Variants in LDB3 observed in about 807,000 individuals in gnomAD.
LDB3 encodes the protein LIM domain binding 3, also known as LIM domain-binding protein 3.
A neutral mutation model predicts 69.0 loss-of-function variants in LDB3; 49 were observed. The observed-to-expected ratio is 0.71, with a 90% CI of 0.56 to 0.90. The LOEUF (loss-of-function observed/expected upper bound fraction) is 0.90. Ranked by LOEUF, LDB3 falls within the 40% of genes least tolerant of loss-of-function variation. The pLI, the probability that LDB3 is intolerant of heterozygous loss-of-function variation, is 0.00. For missense variants in LDB3, 928 were observed against 974.1 expected, an observed-to-expected ratio of 0.95 and a Z score of 0.63; for synonymous variants, 387 against 396.2, an observed-to-expected ratio of 0.98 and a Z score of 0.28.
rs563734579 is a variant in LDB3 at position 86,668,733 on chromosome 10, C to T, written c.42C>T (p.Gly14=). The T allele has an allele frequency of 2.5e-6, 4 of 1,613,392 alleles. No individual in the cohort carries two copies. Among genetic ancestry groups the T allele is most frequent in the Non-Finnish European group, 8.5e-7 (1 of 1,179,990 alleles). Residue 14 remains glycine, a synonymous_variant, in exon 2 of 14, where the codon GGC becomes GGT. Transcript: ENST00000361373. ...SVTLTGPGPW[G]FRLQGGKDFN... The stretch of plus-strand genomic sequence containing the variant: ...CCCTGACTGGGCCCGGGCCCTGGGG[C>T]TTCCGTCTGCAGGGGGGCAAGGACT...
rs569429234 is a variant in LDB3, at chr10:86,677,017, G to C, written c.94-2350G>C. Among the ~76,000 whole-genome samples the C allele has an allele frequency of 1.2e-3, 181 of 152,354 alleles. 1 individual carries two copies. Among genetic ancestry groups the C allele is most frequent in the Non-Finnish European group, 1.9e-3 (131 of 68,030 alleles). ...CACTAGGAGCTGGCTTGGTCCTTGG[G>C]TTATAGCCAGGAAGGTGACTGGGAT... is the stretch of plus-strand genomic sequence containing the variant. On this transcript the variant is annotated intron_variant, in intron 2 of 13. Transcript: ENST00000361373.
rs1845026767 is a variant in LDB3 at position 86,680,079 on chromosome 10, C to T, written c.246-3C>T. The T allele has an allele frequency of 1.9e-6, 3 of 1,613,962 alleles. No individual in the cohort carries two copies. Among genetic ancestry groups the T allele is most frequent in the Non-Finnish European group, 2.5e-6 (3 of 1,179,792 alleles). On this transcript the variant is annotated splice_region_variant and splice_polypyrimidine_tract_variant and intron_variant, in intron 3 of 13. Transcript: ENST00000361373. ...CACCTGGTCTCATTTCTGGTTTCTA[C>T]AGATCAAAGCGTCCCATTCCCATCT...
chr10:86,719,407 A>T (rs1846996010), intron 12 of LDB3, among the ~76,000 whole-genome samples: 1 of 150,374 alleles, frequency 6.7e-6, no homozygotes, highest in Non-Finnish European at 1.5e-5. Flanking sequence ...AAAAAAAAAA[A>T]TGTAGATCAC....
In LDB3 at chr10:86,732,333, T is replaced by A. The variant is rs573330445; in HGVS notation, c.2095-554T>A. 5.1e-4 allele frequency: 185 copies of A among 360,920 alleles called. 3 individuals carry two copies. Among genetic ancestry groups the A allele is most frequent in the Non-Finnish European group, 4.9e-4 (92 of 186,814 alleles). The allele number at this position is 360,920 out of a possible 1,614,324, so 22.4% of individuals were successfully genotyped here. On this transcript the variant is annotated intron_variant, in intron 13 of 13. Coordinates refer to ENST00000361373, the MANE Select transcript of LDB3 (RefSeq NM_007078.3). Reference sequence around the variant, plus strand: ...AATTGGTCAGCTTCATAGTGTATATTTTCTCTATTCCATTAAATTTAATTA... The same window carrying A: ...AATTGGTCAGCTTCATAGTGTATATATTCTCTATTCCATTAAATTTAATTA...
At chr10:86,702,722 T>C (rs1212027704) in intron 7 of LDB3, among the ~76,000 whole-genome samples, 1 of 152,174 alleles carries the variant, frequency 6.6e-6, no homozygotes, top group Non-Finnish European at 1.5e-5. Flanking sequence ...TGCTCTATGA[T>C]GCCCCCTTCA....
chr10:86,698,394 G>A (rs1352449914), intron 7 of LDB3, among the ~76,000 whole-genome samples: 1 of 152,204 alleles, frequency 6.6e-6, no homozygotes, highest in Admixed American at 6.5e-5. Flanking sequence ...GGGGCCCTTT[G>A]GCCACCAGTG....
At chr10:86,726,792 G>A (rs1410090600) in intron 13 of LDB3, among the ~76,000 whole-genome samples, 1 of 152,130 alleles carries the variant, frequency 6.6e-6, no homozygotes, top group African/African-American at 2.4e-5. Context: ...TAGCTGCCAG[G>A]AGATAAGCCC....
At chr10:86,694,628 C>G (rs1023119347) in intron 7 of LDB3, among the ~76,000 whole-genome samples, 1 of 152,206 alleles carries the variant, frequency 6.6e-6, no homozygotes, top group South Asian at 2.1e-4. Context: ...GAGTTATCCT[C>G]GTGGGCAGAG....
intron 5 of LDB3, among the ~76,000 whole-genome samples, chr10:86,687,488 T>C (rs1167430066): frequency 6.6e-6 from 1 of 152,194 alleles, no homozygotes; most frequent in African/African-American, 2.4e-5. Flanking sequence ...GGTGGAGAAA[T>C]GCAGAAAATG....
At position 86,680,157 on chromosome 10, in the gene LDB3, G is replaced by A; in HGVS notation, c.321G>A (p.Lys107=). ...CTCTGCCGGTGATCCCTCACCAGAAGGTAGGTGCTGACTGTGGCGGCGGGG... is the reference window on the plus strand; with the variant it reads ...CTCTGCCGGTGATCCCTCACCAGAAAGTAGGTGCTGACTGTGGCGGCGGGG... The part of the protein sequence containing the change: ...QTPLPVIPHQ[K]DPALDTNGSL... The change falls in exon 4 of 14, where the codon AAG becomes AAA. Residue 107 remains lysine (K), a splice_region_variant and synonymous_variant. Transcript: ENST00000361373. The A allele has an allele frequency of 6.2e-7, 1 of 1,613,938 alleles. No homozygotes were observed. Among genetic ancestry groups the A allele is most frequent in the Non-Finnish European group, 8.5e-7 (1 of 1,179,792 alleles).
At chr10:86,687,327 G>A in intron 5 of LDB3, 1 of 1,513,604 alleles carries the variant, frequency 6.6e-7, no homozygotes, top group Middle Eastern at 1.8e-4. Context: ...CGAGGGGTAT[G>A]GGCCATTGGG....
At chr10:86,721,393 A>G (rs1249613970) in intron 12 of LDB3, among the ~76,000 whole-genome samples, 1 of 152,240 alleles carries the variant, frequency 6.6e-6, no homozygotes, top group Admixed American at 6.5e-5. Context: ...GTCTAGGCTG[A>G]AAAATGCTTC....
At chr10:86,719,971 A>G (rs903659746) in intron 12 of LDB3, among the ~76,000 whole-genome samples, 2 of 152,198 alleles carry the variant, frequency 1.3e-5, no homozygotes, top group Admixed American at 1.3e-4. Context: ...CGGGAAAAGC[A>G]GGCATGCTGA....
At chr10:86,690,546 C>T (rs1845707777) in intron 5 of LDB3, among the ~76,000 whole-genome samples, 1 of 152,250 alleles carries the variant, frequency 6.6e-6, no homozygotes, top group African/African-American at 2.4e-5. Context: ...ACCTCGATCA[C>T]CTTTCCCCAC....
At position 86,726,184 on chromosome 10, in the gene LDB3, GT is replaced by G. The variant is rs2132503498; in HGVS notation, c.2027del (p.Val676GlyfsTer27). ...CAAGTGCCATGGCTGCGATTTCCCC[GT>G]GGAGGCTGGCGACAAGTTTATCGAA... Reference protein sequence around the residue: ...STKCHGCDFPVEAGDKFIEAL... With the variant: ...STKCHGCDFPXEAGDKFIEAL... On this transcript the variant is annotated frameshift_variant, in exon 13 of 14. Coordinates refer to ENST00000361373, the MANE Select transcript of LDB3 (RefSeq NM_007078.3). LOFTEE classifies it high-confidence loss of function. The G allele has an allele frequency of 6.2e-7, 1 of 1,614,024 alleles. No homozygotes were observed. Among genetic ancestry groups the G allele is most frequent in the Non-Finnish European group, 8.5e-7 (1 of 1,180,022 alleles).
chr10:86,732,789 C>A, intron 13 of LDB3, 98 bp from the exon 14 acceptor site: 3 of 911,840 alleles, frequency 3.3e-6, no homozygotes, highest in South Asian at 1.4e-5. Context: ...CAGGACTGAG[C>A]CACCACGCCT....
intron 13 of LDB3, 51 bp from the exon 14 acceptor site, chr10:86,732,836 G>A (rs767243760): frequency 1.4e-6 from 2 of 1,442,704 alleles, no homozygotes; most frequent in Non-Finnish European, 1.9e-6. Context: ...ATTGAAATCT[G>A]CTCATGCCCT....
At chr10:86,680,978 C>T in intron 4 of LDB3, among the ~76,000 whole-genome samples, 2 of 152,324 alleles carry the variant, frequency 1.3e-5, no homozygotes, top group South Asian at 4.1e-4. Flanking sequence ...GTGAGCTACC[C>T]AATTCCTCAG....
In LDB3 at chr10:86,733,385, A is replaced by G; in HGVS notation, c.*409A>G. 1 of 251,320 alleles carries G rather than the reference A, an allele frequency of 4.0e-6. No individual in the cohort carries two copies. The highest frequency in any genetic ancestry group is 7.8e-6 in the Non-Finnish European group (1 of 128,500). The allele number at this position is 251,320 out of a possible 1,614,324, so 15.6% of individuals were successfully genotyped here. A position where few individuals can be genotyped will look rare whatever the true frequency, so the allele number is the denominator to read the frequency against. On this transcript the variant is annotated 3_prime_UTR_variant, in exon 14 of 14. Transcript: ENST00000361373. ...TCTTAAGCGCTCCCCTGGCAAACAA[A>G]TTGAAGTGCCAAACAGCACTCGCTG...
Sources: gnomAD v4.1 joint callset for allele counts (sites outside exome capture counted in the v4.1 genomes callset) on GRCh38, gnomAD v4.1.1 for gene constraint, MANE v1.5 for transcripts, NCBI Gene and HGNC (gene_info 2026-07-23, HGNC 2026-07-21) for gene names.